Variants in RRM2 observed in about 807,000 individuals in gnomAD.
RRM2 encodes ribonucleoside-diphosphate reductase subunit M2.
RRM2 carries 6 observed loss-of-function variants against 45.9 expected under a neutral mutation model. The observed-to-expected ratio is 0.13, with a 90% CI of 0.07 to 0.26. The LOEUF (loss-of-function observed/expected upper bound fraction) is 0.26, where lower values mean the gene tolerates loss of function less well. Among genes scored for constraint, RRM2 ranks in the 10% least tolerant of loss-of-function variants. The pLI is 1.00. For synonymous variants in RRM2, 177 were observed against 173.0 expected, an observed-to-expected ratio of 1.02 and a Z score of -0.18; for missense variants, 343 against 489.5, an observed-to-expected ratio of 0.70 and a Z score of 2.82.
In RRM2 at chr2:10,127,877, C is replaced by T; in HGVS notation, c.798+657C>T. Among the ~76,000 whole-genome samples, 1 of 151,934 alleles carries T rather than the reference C, an allele frequency of 6.6e-6. No homozygotes were observed. Among genetic ancestry groups the T allele is most frequent in the Non-Finnish European group, 1.5e-5 (1 of 67,976 alleles). On this transcript the variant is annotated intron_variant, in intron 7 of 9. Transcript: ENST00000304567. The surrounding 1 kb of genome is among the most constrained non-coding windows in gnomAD (Gnocchi z 4.1). ...TTATCCCTTTTTCCGTAAAAATGTT[C>T]ATAGTAGAGCCAGGAGCGGTGGCTC...
Position 10,204,768 on chromosome 2 carries a change from C to G in RRM2, n.483-5543C>G, listed in dbSNP as rs1203641874. On this transcript the variant is annotated intron_variant and non_coding_transcript_variant, in intron 3 of 3. Transcript: ENST00000381786. This position sits in a 1 kb window ranked among gnomAD's most constrained non-coding sequence, Gnocchi z 4.0. ...CAGATACTTAGTCTGTGGCTGGGAG[C>G]CAAGCCTCAGGGTCCCTTTTCCTCT... 1.3e-5 allele frequency among the ~76,000 whole-genome samples: 2 copies of G among 152,262 alleles called. No homozygotes were observed. The highest frequency in any genetic ancestry group is 2.9e-5 in the Non-Finnish European group (2 of 68,052).
At chr2:10,188,777 C>A (rs1482348825) in intron 3 of RRM2, among the ~76,000 whole-genome samples, 1 of 152,144 alleles carries the variant, frequency 6.6e-6, no homozygotes, top group Non-Finnish European at 1.5e-5. Flanking sequence ...ACACACCAGA[C>A]CCCTGAAGAG....
Position 10,157,921 on chromosome 2 carries a change from G to A in RRM2, n.482+15546G>A, listed in dbSNP as rs116612701. The stretch of plus-strand genomic sequence containing the variant: ...GTAGAATGCCTAATGTTGGAACCTC[G>A]GGCATCACAGCTGGCCTATTTATTT... On this transcript the variant is annotated intron_variant and non_coding_transcript_variant, in intron 3 of 3. Transcript: ENST00000381786. Among the ~76,000 whole-genome samples the A allele has an allele frequency of 3.7e-3, 560 of 152,156 alleles. 3 individuals are homozygous for A. Among genetic ancestry groups the A allele is most frequent in the African/African-American group, 0.013 (525 of 41,498 alleles).
rs200778011 is a variant in RRM2, at chr2:10,142,291, G to A, written n.398G>A. 81 of 1,417,366 alleles carry A rather than the reference G, an allele frequency of 5.7e-5. No homozygotes were observed. In the East Asian group the frequency reaches 5.7e-4, roughly 10 times the overall value. The allele number at this position is 1,417,366 out of a possible 1,614,324, so 87.8% of individuals were successfully genotyped here. ...CTCGGGAAGGTCTGACCAGCCTTAC[G>A]TCTTGAAAGGGAATCCCCTGCTTCT... is the stretch of plus-strand genomic sequence containing the variant. On this transcript the variant is annotated non_coding_transcript_exon_variant, in exon 3 of 4. Coordinates refer to the RRM2 transcript ENST00000381786.
Position 10,127,799 on chromosome 2 carries a change from A to G in RRM2, c.798+579A>G, listed in dbSNP as rs1202703149. The stretch of plus-strand genomic sequence containing the variant: ...GCCCAGCCAAAACTACAAGTTATTG[A>G]TGGGATTGGGATTTTAAGGGATGTT... On this transcript the variant is annotated intron_variant, in intron 7 of 9. Coordinates refer to ENST00000304567, the MANE Select transcript of RRM2 (RefSeq NM_001034.4). The surrounding 1 kb of genome is among the most constrained non-coding windows in gnomAD (Gnocchi z 4.1). Among the ~76,000 whole-genome samples, 1 of 151,980 alleles carries G rather than the reference A, an allele frequency of 6.6e-6. No homozygotes were observed. The highest frequency in any genetic ancestry group is 2.4e-5 in the African/African-American group (1 of 41,386).
chr2:10,151,502 G>A (rs1479927292), intron 3 of RRM2, among the ~76,000 whole-genome samples: 7 of 152,074 alleles, frequency 4.6e-5, no homozygotes. Context: ...GTTTCACTAT[G>A]TTGGCCAGGC....
intron 3 of RRM2, among the ~76,000 whole-genome samples, chr2:10,153,348 T>C (rs1416573844): frequency 6.6e-6 from 1 of 152,134 alleles, no homozygotes; most frequent in East Asian, 1.9e-4. Context: ...AAAAGATCTT[T>C]TTTGACTCTG....
chr2:10,169,333 G>A lies in RRM2; in HGVS notation n.482+26958G>A, dbSNP rs750813108. ...ACCCCCTTCAGGTGTAGTTTTAGAC[G>A]TGCAACATGAGGGGAAATCTTAGGT... On this transcript the variant is annotated intron_variant and non_coding_transcript_variant, in intron 3 of 3. Coordinates refer to the RRM2 transcript ENST00000381786. The surrounding 1 kb of genome is among the most constrained non-coding windows in gnomAD (Gnocchi z 5.1). Among the ~76,000 whole-genome samples the A allele has an allele frequency of 2.6e-5, 4 of 151,982 alleles. No homozygotes were observed. The highest frequency in any genetic ancestry group is 4.8e-5 in the African/African-American group (2 of 41,366).
upstream of RRM2, among the ~76,000 whole-genome samples, chr2:10,137,782 G>A (rs1018985224): frequency 6.6e-6 from 1 of 152,178 alleles, no homozygotes; most frequent in African/African-American, 2.4e-5. Context: ...GAGCCTCTGA[G>A]TCTTCCCTCT....
chr2:10,124,628 G>A (rs1662743134), intron 4 of RRM2, 89 bp from the exon 5 acceptor site: 3 of 1,409,550 alleles, frequency 2.1e-6, no homozygotes, highest in Admixed American at 3.6e-5. Context: ...CCTTATAATG[G>A]TACAAAGAGT....
chr2:10,141,663 G>A (rs1304284145), intron 1 of RRM2: 34 of 720,722 alleles, frequency 4.7e-5, no homozygotes, highest in Non-Finnish European at 5.9e-5. Context: ...TCTGGGAAGC[G>A]GGGAGGCAGG....
At chr2:10,188,907 A>G (rs1432225035) in intron 3 of RRM2, among the ~76,000 whole-genome samples, 5 of 152,090 alleles carry the variant, frequency 3.3e-5, no homozygotes, top group Admixed American at 3.3e-4. Context: ...TCCTGGCCGC[A>G]TTTGGAGGCT....
chr2:10,152,841 G>C (rs1448550272), intron 3 of RRM2, among the ~76,000 whole-genome samples: 1 of 152,082 alleles, frequency 6.6e-6, no homozygotes, highest in Non-Finnish European at 1.5e-5. Context: ...CTTGGACATG[G>C]TTGGTGGGGG....
At chr2:10,142,973 A>G (rs1419873009) in intron 3 of RRM2, among the ~76,000 whole-genome samples, 2 of 152,238 alleles carry the variant, frequency 1.3e-5, no homozygotes, top group Non-Finnish European at 2.9e-5. Context: ...TCCTGGGTTC[A>G]TGCCGTTCTC....
intron 3 of RRM2, chr2:10,142,523 T>G: frequency 1.3e-6 from 1 of 789,474 alleles, no homozygotes; most frequent in Non-Finnish European, 1.8e-6. Context: ...TGCCAGCCTC[T>G]GCCGTTCTAC....
intron 3 of RRM2, among the ~76,000 whole-genome samples, chr2:10,180,309 A>G (rs568284298): frequency 1.3e-5 from 2 of 152,320 alleles, no homozygotes; most frequent in South Asian, 4.1e-4. Context: ...GTGAGCCTGG[A>G]GGTTATTATA....
Position 10,158,558 on chromosome 2 carries a change from G to A in RRM2, n.482+16183G>A, listed in dbSNP as rs1303043066. Among the ~76,000 whole-genome samples, 6 of 152,178 alleles carry A rather than the reference G, an allele frequency of 3.9e-5. No homozygotes were observed. In the East Asian group the frequency reaches 1.2e-3, roughly 29 times the overall value. Reference sequence around the variant, plus strand: ...CCTAACTCCGGGCTGTGATGAAGCAGCTCTGTTGGATGAAGCAGCCCTGGC... The same window carrying A: ...CCTAACTCCGGGCTGTGATGAAGCAACTCTGTTGGATGAAGCAGCCCTGGC... On this transcript the variant is annotated intron_variant and non_coding_transcript_variant, in intron 3 of 3. Transcript: ENST00000381786.
At chr2:10,154,932 G>A (rs1350535141) in intron 3 of RRM2, 2 of 154,626 alleles carry the variant, frequency 1.3e-5, no homozygotes, top group Non-Finnish European at 2.9e-5. Flanking sequence ...CCGACCTCAG[G>A]TGATCCGCCT....
chr2:10,172,918 C>A lies in RRM2; in HGVS notation n.482+30543C>A, dbSNP rs1043731867. On this transcript the variant is annotated intron_variant and non_coding_transcript_variant, in intron 3 of 3. Coordinates refer to the RRM2 transcript ENST00000381786. The surrounding 1 kb of genome is among the most constrained non-coding windows in gnomAD (Gnocchi z 4.9). ...CCCCCTGAGTCCCGGGGAACAGTGG[C>A]AAATCAGCACTCAGGAAATATCTGT... Among the ~76,000 whole-genome samples the A allele has an allele frequency of 2.6e-5, 4 of 152,228 alleles. No homozygotes were observed. Among genetic ancestry groups the A allele is most frequent in the African/African-American group, 9.6e-5 (4 of 41,460 alleles).
Sources: allele counts gnomAD v4.1 joint callset (sites outside exome capture counted in the v4.1 genomes callset), GRCh38; gene constraint gnomAD v4.1.1; non-coding constraint Gnocchi (gnomAD v3.1); transcripts MANE v1.5; gene names NCBI Gene and HGNC (gene_info 2026-07-23, HGNC 2026-07-21).